The following NBPF9 variants were observed in gnomAD, a reference collection of about 807,000 sequenced individuals.
NBPF9 encodes NBPF member 9, also known as NBPF family member NBPF9.
A neutral mutation model predicts 97.8 loss-of-function variants in NBPF9; 91 were observed. That is an observed-to-expected ratio of 0.93 (90% CI 0.79 to 1.11). The LOEUF (loss-of-function observed/expected upper bound fraction) is 1.11, where lower values mean the gene tolerates loss of function less well. NBPF9 is among the 50% of genes least tolerant of loss of function. NBPF9 has a pLI of 0.00. For synonymous variants in NBPF9, 334 were observed against 359.5 expected (o/e 0.93, Z 0.80); for missense variants, 992 against 939.5 (o/e 1.06, Z -0.73).
exon 30 of NBPF9, chr1:149,055,705 A>G: frequency 6.2e-7 from 1 of 1,611,910 alleles, no homozygotes; most frequent in South Asian, 1.1e-5. Flanking sequence ...GAGACTTGTC[A>G]CCGTCAAAGT....
chr1:149,055,970 G>A (rs1285247111), intron 29 of NBPF9, 71 bp from the exon 30 acceptor site: 8 of 1,611,454 alleles, frequency 5.0e-6, no homozygotes, highest in African/African-American at 1.3e-5. Context: ...CTAGATTTCA[G>A]AAGTAACATA....
intron 4 of NBPF9, among the ~76,000 whole-genome samples, chr1:149,097,554 A>G (rs2081866420): frequency 6.6e-6 from 1 of 151,758 alleles, no homozygotes. Flanking sequence ...TGGGTCTGAC[A>G]TCGTCCATTT....
intron 7 of NBPF9, among the ~76,000 whole-genome samples, chr1:149,081,530 CAG>C (rs1315614675): frequency 3.9e-5 from 6 of 151,996 alleles, no homozygotes; most frequent in South Asian, 2.1e-4. Flanking sequence ...AAGTTCCCCT[CAG>C]AGTCACTAGA....
chr1:149,080,468 G>T (rs1426358095), intron 7 of NBPF9, among the ~76,000 whole-genome samples: 1 of 150,656 alleles, frequency 6.6e-6, no homozygotes, highest in Non-Finnish European at 1.5e-5. Flanking sequence ...ACTTTCCCAA[G>T]CCTTGCAGCC....
downstream of NBPF9, among the ~76,000 whole-genome samples, chr1:149,052,963 TC>T (rs1415166852): frequency 2.7e-5 from 3 of 111,964 alleles, no homozygotes; most frequent in Admixed American, 1.0e-4. Flanking sequence ...CAGGTGATTT[TC>T]TTTAGCCAGG....
At chr1:149,061,014 A>G in intron 23 of NBPF9, 1 of 416,046 alleles carries the variant, frequency 2.4e-6, no homozygotes, top group Non-Finnish European at 4.4e-6. Context: ...TAGTGCCCTC[A>G]GGACACACAG....
intron 27 of NBPF9, among the ~76,000 whole-genome samples, chr1:149,057,752 CAGAGAGAGAGAGAGAGAG>C (rs1250490177): frequency 1.9e-4 from 12 of 64,298 alleles, no homozygotes; most frequent in Admixed American, 3.2e-4. Context: ...CACACACACA[CAGAGAGAGAGAGAGAGAG>C]AGAGAACGAG....
chr1:149,059,154 C>T (rs1575822558), intron 25 of NBPF9, 57 bp from the exon 26 acceptor site: 2 of 414,174 alleles, frequency 4.8e-6, no homozygotes, highest in East Asian at 6.0e-5. Flanking sequence ...ACCACACAGC[C>T]CCAGCTAGAT....
rs781965562 is a variant in NBPF9, at chr1:149,062,853, C to G, written c.2078+9G>C. On this transcript the variant is annotated intron_variant, in intron 21 of 29. Coordinates refer to ENST00000584027, the Ensembl canonical transcript of NBPF9. ...ACAGAATTAAGCATCCATAATTGCT[C>G]AAAGTTACCTGGGGCATGATGGGTC... is the stretch of plus-strand genomic sequence containing the variant. 2.8e-5 allele frequency: 19 copies of G among 668,842 alleles called. No individual in the cohort carries two copies. Among genetic ancestry groups the G allele is most frequent in the Non-Finnish European group, 4.8e-5 (18 of 377,178 alleles). 41.4% of individuals were successfully genotyped at this position (668,842 alleles called of 1,614,324 possible).
In NBPF9 at chr1:149,098,423, C is replaced by G; in HGVS notation, c.-337+15G>C. ...CTCTGACTCCATCGAGCTGGCAATGCCTCAGGGTTTTTACCTGTGGGATCT... is the reference window on the plus strand; with the variant it reads ...CTCTGACTCCATCGAGCTGGCAATGGCTCAGGGTTTTTACCTGTGGGATCT... On this transcript the variant is annotated intron_variant, in intron 4 of 29. Coordinates refer to ENST00000584027, the Ensembl canonical transcript of NBPF9. 1.4e-6 allele frequency: 2 copies of G among 1,380,936 alleles called. No homozygotes were observed. The highest frequency in any genetic ancestry group is 1.9e-6 in the Non-Finnish European group (2 of 1,054,988). The allele number at this position is 1,380,936 out of a possible 1,614,324, so 85.5% of individuals were successfully genotyped here.
rs372620727 is a variant in NBPF9, at chr1:149,103,293, G to A, written c.-843+8C>T. 10 of 151,426 alleles carry A rather than the reference G, an allele frequency of 6.6e-5. No individual in the cohort carries two copies. Among genetic ancestry groups the A allele is most frequent in the Non-Finnish European group, 1.2e-4 (8 of 67,848 alleles). The allele number at this position is 151,426 out of a possible 1,614,324, so 9.4% of individuals were successfully genotyped here. A position where few individuals can be genotyped will look rare whatever the true frequency, so the allele number is the denominator to read the frequency against. The stretch of plus-strand genomic sequence containing the variant: ...CACCGCCCGCCCGGCCTGGCGCGGC[G>A]CCTTCACCTCGGAAACGCTGGGTGG... On this transcript the variant is annotated splice_region_variant and intron_variant, in intron 1 of 29. Transcript: ENST00000584027.
chr1:149,097,093 GAA>G (rs2081823772), intron 4 of NBPF9, among the ~76,000 whole-genome samples: 1 of 147,952 alleles, frequency 6.8e-6, no homozygotes, highest in Non-Finnish European at 1.5e-5. Flanking sequence ...AGGAAGGAAG[GAA>G]GGAAGGGAGG....
chr1:149,055,810 T>A (rs782724641), exon 30 of NBPF9: 4 of 1,610,410 alleles, frequency 2.5e-6, no homozygotes, highest in Non-Finnish European at 2.5e-6. Flanking sequence ...GTCAGGTAGT[T>A]CAAAGTACAT....
intron 1 of NBPF9, among the ~76,000 whole-genome samples, 151 bp downstream of exon 1, chr1:149,103,150 C>T (rs1401390601): frequency 1.9e-3 from 291 of 151,316 alleles, no homozygotes; most frequent in African/African-American, 6.9e-3. Flanking sequence ...ACTTAAGCCC[C>T]GGCGGGGCCG....
Position 149,072,788 on chromosome 1 carries a change from C to A in NBPF9, c.1236G>T (p.Gly412=), listed in dbSNP as rs1553653270. 3 of 1,579,630 alleles carry A rather than the reference C, an allele frequency of 1.9e-6. No homozygotes were observed. In the African/African-American group the frequency reaches 4.0e-5, roughly 21 times the overall value. ...CAGCCAGCTGTTCTTGGAGGTCCTGCCCCTGGGACTTGTCCGGCTCATCCG... is the reference window on the plus strand; with the variant it reads ...CAGCCAGCTGTTCTTGGAGGTCCTGACCCTGGGACTTGTCCGGCTCATCCG... The change falls in exon 14 of 30, where the codon GGG becomes GGT. Residue 412 remains glycine, a synonymous_variant. Coordinates refer to ENST00000584027, the Ensembl canonical transcript of NBPF9.
exon 30 of NBPF9, chr1:149,055,563 G>A: frequency 1.9e-6 from 3 of 1,563,018 alleles, no homozygotes; most frequent in Admixed American, 3.7e-5. Flanking sequence ...CCTATGTCTG[G>A]GCTTCCAAAT....
chr1:149,077,370 C>A lies in NBPF9; in HGVS notation c.616G>T (p.Glu206Ter). ...CTATTTGAACAAGTGATGGCACATT[C>A]CTCCAGTGAGTCCTCAGCGACTTTG... The change falls in exon 11 of 30, where the codon GAA (glutamate) becomes TAA (stop). Residue 206 changes from glutamate (E) to a stop codon, truncating the protein, a stop_gained. Transcript: ENST00000584027. LOFTEE classifies it high-confidence loss of function. 3 of 1,610,022 alleles carry A rather than the reference C, an allele frequency of 1.9e-6. No individual in the cohort carries two copies. The highest frequency in any genetic ancestry group is 3.3e-5 in the Admixed American group (2 of 59,838).
rs1297715925 is a variant in NBPF9, at chr1:149,085,514, T to C, written c.-194-3084A>G. 4.6e-5 allele frequency among the ~76,000 whole-genome samples: 7 copies of C among 152,172 alleles called. No individual in the cohort carries two copies. In the East Asian group the frequency reaches 7.7e-4, roughly 17 times the overall value. ...CTCTAAAATCTCCTACTAGAAATAA[T>C]AAGCAGAATTGTGTTGATGTAATAT... On this transcript the variant is annotated intron_variant, in intron 5 of 29. Coordinates refer to ENST00000584027, the Ensembl canonical transcript of NBPF9.
At chr1:149,062,995 G>T in intron 20 of NBPF9, 82 bp from the exon 21 acceptor site, 1 of 638,844 alleles carries the variant, frequency 1.6e-6, no homozygotes, top group South Asian at 1.8e-5. Context: ...TCCTCACACA[G>T]GGACTTCAGG....
Sources: gnomAD v4.1 joint callset for allele counts (sites outside exome capture counted in the v4.1 genomes callset) on GRCh38, gnomAD v4.1.1 for gene constraint, MANE v1.5 for transcripts, NCBI Gene and HGNC (gene_info 2026-07-23, HGNC 2026-07-21) for gene names.